The following SLC35F3 variants were observed in gnomAD, a reference collection of about 807,000 sequenced individuals.
The protein encoded by SLC35F3 is putative thiamine transporter SLC35F3.
SLC35F3 carries 25 observed loss-of-function variants against 49.9 expected under a neutral mutation model. The observed-to-expected ratio is 0.50, with a 90% CI of 0.37 to 0.70. SLC35F3 has a LOEUF of 0.70. Among genes scored for constraint, SLC35F3 ranks in the 30% least tolerant of loss-of-function variants. SLC35F3 has a pLI of 0.00. For synonymous variants in SLC35F3, 275 were observed against 265.4 expected, an observed-to-expected ratio of 1.04 and a Z score of -0.35; for missense variants, 525 against 639.8, an observed-to-expected ratio of 0.82 and a Z score of 1.94.
intron 3 of SLC35F3, among the ~76,000 whole-genome samples, chr1:234,234,724 T>C (rs1412864282): frequency 6.6e-6 from 1 of 152,084 alleles, no homozygotes. Context: ...CAAGCCCTGG[T>C]CCTCTGCCAC....
In SLC35F3 at chr1:234,098,110, TTAG is replaced by T. The variant is rs200202270; in HGVS notation, c.284-133305_284-133303del. ...GGTGATGATGGAGGTGGTGACTGTGTTAGTGGTGGTGGTGGTGGCAGTTCAGAT... is the reference window on the plus strand; with the variant it reads ...GGTGATGATGGAGGTGGTGACTGTGTTGGTGGTGGTGGTGGCAGTTCAGAT... On this transcript the variant is annotated intron_variant, in intron 2 of 7. Coordinates refer to ENST00000366618, the MANE Select transcript of SLC35F3 (RefSeq NM_173508.4). Among the ~76,000 whole-genome samples the T allele has an allele frequency of 4.4e-4, 59 of 133,296 alleles. 1 individual carries two copies. The South Asian group carries it at 7.5e-3, about 17-fold the overall frequency. 87.4% of individuals were successfully genotyped at this position (133,296 alleles called of 152,430 possible).
chr1:234,319,501 G>A (rs1657564725), intron 6 of SLC35F3, among the ~76,000 whole-genome samples: 1 of 152,020 alleles, frequency 6.6e-6, no homozygotes, highest in East Asian at 1.9e-4. Context: ...CCAGGAGTTC[G>A]AGACCAGCCT....
chr1:234,074,313 A>T (rs987692479), intron 2 of SLC35F3, among the ~76,000 whole-genome samples: 1 of 152,184 alleles, frequency 6.6e-6, no homozygotes, highest in Non-Finnish European at 1.5e-5. Flanking sequence ...TTTTGACTTC[A>T]TCATCAGTTA....
chr1:234,113,810 C>T (rs1041260832), intron 2 of SLC35F3, among the ~76,000 whole-genome samples: 12 of 152,292 alleles, frequency 7.9e-5, no homozygotes, highest in African/African-American at 2.9e-4. Context: ...TTGCAGCAAG[C>T]CGAGATCGTG....
intron 2 of SLC35F3, among the ~76,000 whole-genome samples, chr1:234,105,771 C>T (rs2102884450): frequency 6.6e-6 from 1 of 152,318 alleles, no homozygotes; most frequent in Non-Finnish European, 1.5e-5. Flanking sequence ...CTCAGTTTCC[C>T]TCCCTGGAGG....
chr1:234,074,598 CA>C (rs1253168973), intron 2 of SLC35F3, among the ~76,000 whole-genome samples: 2 of 152,154 alleles, frequency 1.3e-5, no homozygotes, highest in African/African-American at 4.8e-5. Flanking sequence ...AAAGGCAAGA[CA>C]GGCAGGGGTG....
intron 2 of SLC35F3, among the ~76,000 whole-genome samples, chr1:234,167,150 G>A (rs537239836): frequency 5.9e-5 from 9 of 152,208 alleles, no homozygotes; most frequent in African/African-American, 1.4e-4. Context: ...CTGTCTTTCC[G>A]GCTCAGACCC....
At chr1:234,247,115 A>C (rs1228430241) in intron 3 of SLC35F3, among the ~76,000 whole-genome samples, 2 of 152,234 alleles carry the variant, frequency 1.3e-5, no homozygotes, top group African/African-American at 4.8e-5. Context: ...TGGTGTCTTA[A>C]ATAGTTCCAA....
chr1:234,182,747 G>A (rs1275621189), intron 2 of SLC35F3, among the ~76,000 whole-genome samples: 2 of 150,266 alleles, frequency 1.3e-5, no homozygotes. Flanking sequence ...GTCAAACTTT[G>A]GGATTTTTTC....
chr1:234,107,195 G>A (rs1220426441), intron 2 of SLC35F3, among the ~76,000 whole-genome samples: 1 of 152,122 alleles, frequency 6.6e-6, no homozygotes, highest in Non-Finnish European at 1.5e-5. Flanking sequence ...AAATTCCTGG[G>A]ACCAAGAGCT....
chr1:234,037,348 C>T (rs1664158738), intron 2 of SLC35F3, among the ~76,000 whole-genome samples: 1 of 152,144 alleles, frequency 6.6e-6, no homozygotes, highest in African/African-American at 2.4e-5. Context: ...ACTCACTGTC[C>T]CGAGAATGGC....
At chr1:234,227,426 T>C (rs1423670311) in intron 2 of SLC35F3, among the ~76,000 whole-genome samples, 2 of 130,664 alleles carry the variant, frequency 1.5e-5, no homozygotes, top group Admixed American at 9.8e-5. Flanking sequence ...TGAGATGGAG[T>C]CTAGCTCTGT....
At chr1:234,131,652 T>C (rs1014830349) in intron 2 of SLC35F3, among the ~76,000 whole-genome samples, 6 of 152,186 alleles carry the variant, frequency 3.9e-5, no homozygotes, top group Admixed American at 6.5e-5. Flanking sequence ...TCTCTCAGCA[T>C]TGATGTTAGG....
At chr1:234,286,597 T>TG (rs1466276731) in intron 3 of SLC35F3, among the ~76,000 whole-genome samples, 1 of 152,264 alleles carries the variant, frequency 6.6e-6, no homozygotes, top group Non-Finnish European at 1.5e-5. Context: ...TAATATTATG[T>TG]GGGGCCACAT....
intron 2 of SLC35F3, among the ~76,000 whole-genome samples, chr1:233,941,599 A>T (rs1220464120): frequency 2.6e-5 from 4 of 152,206 alleles, no homozygotes; most frequent in Non-Finnish European, 5.9e-5. Flanking sequence ...TGTGGGGTTC[A>T]AAAAACCAAT....
At chr1:234,013,958 G>T (rs77384181) in intron 2 of SLC35F3, among the ~76,000 whole-genome samples, 2 of 151,938 alleles carry the variant, frequency 1.3e-5, no homozygotes, top group African/African-American at 2.4e-5. Context: ...TATGAGGAAA[G>T]CCATACATCT....
rs1030825954 is a variant in SLC35F3 at position 234,070,859 on chromosome 1, A to G, written c.284-160558A>G. ...ATGGCCTCCTTAAAATAAATAATTA[A>G]TGCTCCTCTCAACCTTCTAGATTTG... On this transcript the variant is annotated intron_variant, in intron 2 of 7. Coordinates refer to ENST00000366618, the MANE Select transcript of SLC35F3 (RefSeq NM_173508.4). 2.6e-5 allele frequency among the ~76,000 whole-genome samples: 4 copies of G among 152,324 alleles called. No homozygotes were observed. In the South Asian group the frequency reaches 6.2e-4, roughly 24 times the overall value.
At chr1:234,215,384 G>A (rs1289560636) in intron 2 of SLC35F3, among the ~76,000 whole-genome samples, 1 of 152,156 alleles carries the variant, frequency 6.6e-6, no homozygotes, top group Non-Finnish European at 1.5e-5. Flanking sequence ...CAATGGAGAA[G>A]GGGGGCAGAG....
rs1281439943 is a variant in SLC35F3, at chr1:234,161,524, G to A, written c.284-69893G>A. ...GCCTGTAATCCCAGCTCTTTGTGAG[G>A]CCAAGGCAGGCAGATCACTTGAGCC... On this transcript the variant is annotated intron_variant, in intron 2 of 7. Transcript: ENST00000366618. 5.9e-5 allele frequency among the ~76,000 whole-genome samples: 9 copies of A among 152,228 alleles called. No individual in the cohort carries two copies. The East Asian group carries it at 1.5e-3, about 26-fold the overall frequency.
Sources: allele counts gnomAD v4.1 joint callset (sites outside exome capture counted in the v4.1 genomes callset), GRCh38; gene constraint gnomAD v4.1.1; transcripts MANE v1.5; gene names NCBI Gene and HGNC (gene_info 2026-07-23, HGNC 2026-07-21).